The following EPC2 variants were observed in gnomAD, a reference collection of about 807,000 sequenced individuals.
EPC2 encodes enhancer of polycomb homolog 2.
Under a neutral mutation model 92.1 loss-of-function variants are expected in EPC2, and 14 were observed. That is an observed-to-expected ratio of 0.15 (90% CI 0.10 to 0.24). The LOEUF (loss-of-function observed/expected upper bound fraction) is 0.24, where lower values mean the gene tolerates loss of function less well. Among genes scored for constraint, EPC2 ranks in the 10% least tolerant of loss-of-function variants. The pLI is 1.00. For missense variants in EPC2, 755 were observed against 971.5 expected, an observed-to-expected ratio of 0.78 and a Z score of 2.96; for synonymous variants, 340 against 334.7, an observed-to-expected ratio of 1.02 and a Z score of -0.17.
At chr2:148,645,547 C>T (rs556133845) in intron 1 of EPC2, 52 of 196,044 alleles carry the variant, frequency 2.7e-4, no homozygotes, top group Non-Finnish European at 4.8e-4. Flanking sequence ...TATTATTTGG[C>T]TAGGCAAGAT....
At position 148,645,071 on chromosome 2, in the gene EPC2, T is replaced by A. The variant is rs199777940; in HGVS notation, c.54T>A (p.Pro18=). ...ARALDAAKPL[P]IYRGKDMPDL... is the part of the protein sequence containing the mutation. ...CGCTGGACGCCGCCAAGCCGCTGCC[T>A]ATCTACCGCGGCAAGGACATGCCTG... Residue 18 remains proline, a synonymous_variant, in exon 1 of 14, where the codon CCT becomes CCA. Coordinates refer to ENST00000258484, the MANE Select transcript of EPC2 (RefSeq NM_015630.4). 129 of 1,583,376 alleles carry A rather than the reference T, an allele frequency of 8.1e-5. No individual in the cohort carries two copies. In the African/African-American group the frequency reaches 1.6e-3, roughly 20 times the overall value.
chr2:148,710,575 A>G (rs1682116851), intron 2 of EPC2, among the ~76,000 whole-genome samples: 1 of 152,232 alleles, frequency 6.6e-6, no homozygotes, highest in South Asian at 2.1e-4. Flanking sequence ...CACTTTTCAC[A>G]GTAGCAGACT....
chr2:148,742,110 C>T (rs1682889643), intron 2 of EPC2, among the ~76,000 whole-genome samples: 1 of 152,148 alleles, frequency 6.6e-6, no homozygotes, highest in African/African-American at 2.4e-5. Context: ...TATGTGTAAA[C>T]TATCATTTAT....
At chr2:148,696,905 C>T (rs1284251492) in intron 2 of EPC2, among the ~76,000 whole-genome samples, 2 of 152,184 alleles carry the variant, frequency 1.3e-5, no homozygotes, top group African/African-American at 4.8e-5. Context: ...AATATTTTCT[C>T]ATATGTTTAT....
chr2:148,691,856 C>A, intron 2 of EPC2: 1 of 623,638 alleles, frequency 1.6e-6, no homozygotes, highest in Non-Finnish European at 3.1e-6. Context: ...ACACTGAGGG[C>A]ATAGCCCTTT....
intron 1 of EPC2, among the ~76,000 whole-genome samples, chr2:148,671,447 C>G (rs1681153341): frequency 6.6e-6 from 1 of 152,000 alleles, no homozygotes; most frequent in Non-Finnish European, 1.5e-5. Context: ...AACCCTGTCT[C>G]TACTAAAAAT....
chr2:148,704,515 G>C (rs1465671063), intron 2 of EPC2, among the ~76,000 whole-genome samples: 1 of 152,148 alleles, frequency 6.6e-6, no homozygotes, highest in Non-Finnish European at 1.5e-5. Context: ...GTACTTTTAT[G>C]CTATATGTAT....
At position 148,742,784 on chromosome 2, in the gene EPC2, C is replaced by CAA. The variant is rs5835210; in HGVS notation, c.314-823_314-822dup. 5.8e-3 allele frequency among the ~76,000 whole-genome samples: 781 copies of CAA among 134,902 alleles called. 5 individuals carry two copies. The highest frequency in any genetic ancestry group is 0.015 in the Middle Eastern group (4 of 270). The allele number at this position is 134,902 out of a possible 152,430, so 88.5% of individuals were successfully genotyped here. A position where few individuals can be genotyped will look rare whatever the true frequency, so the allele number is the denominator to read the frequency against. On this transcript the variant is annotated intron_variant, in intron 2 of 13. Coordinates refer to ENST00000258484, the MANE Select transcript of EPC2 (RefSeq NM_015630.4). ...CAACAGACAAAATGAGACCTTGCCT[C>CAA]AAAAAAAAAAAAAAAAGAAAAATCA... is the stretch of plus-strand genomic sequence containing the variant.
intron 2 of EPC2, among the ~76,000 whole-genome samples, chr2:148,742,044 A>G (rs941971853): frequency 3.9e-5 from 6 of 152,126 alleles, no homozygotes; most frequent in Middle Eastern, 3.2e-3. Context: ...GTTTCATTCT[A>G]TGTCAGTATA....
intron 1 of EPC2, among the ~76,000 whole-genome samples, chr2:148,658,018 A>G (rs1680842214): frequency 6.6e-6 from 1 of 152,096 alleles, no homozygotes; most frequent in Admixed American, 6.6e-5. Context: ...ATGAGCACGA[A>G]TTATTTAATA....
intron 7 of EPC2, among the ~76,000 whole-genome samples, chr2:148,766,961 A>G (rs572232735): frequency 5.9e-5 from 9 of 152,216 alleles, no homozygotes; most frequent in African/African-American, 2.2e-4. Context: ...AAGCAGGTGG[A>G]TTGCTTGAGC....
intron 2 of EPC2, among the ~76,000 whole-genome samples, chr2:148,732,399 G>A (rs1309809785): frequency 5.1e-5 from 3 of 59,066 alleles, no homozygotes; most frequent in Non-Finnish European, 9.6e-5. Flanking sequence ...TTTTTTTTTT[G>A]AGATGTAGTC....
intron 1 of EPC2, among the ~76,000 whole-genome samples, chr2:148,662,796 A>G (rs1261528835): frequency 1.4e-5 from 2 of 142,688 alleles, no homozygotes; most frequent in East Asian, 4.0e-4. Flanking sequence ...GTGCACATGT[A>G]CCCTAAAACT....
chr2:148,660,977 T>C (rs1002032811), intron 1 of EPC2, among the ~76,000 whole-genome samples: 1 of 152,134 alleles, frequency 6.6e-6, no homozygotes, highest in African/African-American at 2.4e-5. Flanking sequence ...TTTTATCATT[T>C]ATTTTTATAT....
intron 1 of EPC2, among the ~76,000 whole-genome samples, chr2:148,646,314 C>G (rs555524483): frequency 6.6e-6 from 1 of 152,264 alleles, no homozygotes; most frequent in South Asian, 2.1e-4. Flanking sequence ...TGAGTTCTGA[C>G]CTCATTATGT....
At chr2:148,783,459 A>T in intron 11 of EPC2, 138 bp from the exon 12 acceptor site, 1 of 700,250 alleles carries the variant, frequency 1.4e-6, no homozygotes. Context: ...CATCTATGGA[A>T]TCGTAGATCG....
chr2:148,661,199 G>T (rs1331709968), intron 1 of EPC2, among the ~76,000 whole-genome samples: 1 of 152,020 alleles, frequency 6.6e-6, no homozygotes, highest in Non-Finnish European at 1.5e-5. Flanking sequence ...TTTGGAATGT[G>T]GTTTGTCTCT....
chr2:148,721,269 C>T (rs1436308999), intron 2 of EPC2, among the ~76,000 whole-genome samples: 2 of 151,448 alleles, frequency 1.3e-5, no homozygotes, highest in African/African-American at 4.8e-5. Flanking sequence ...TTTTATTTCT[C>T]CTTCACTTTT....
intron 2 of EPC2, among the ~76,000 whole-genome samples, chr2:148,735,805 CAG>C (rs1201429971): frequency 6.6e-6 from 1 of 151,356 alleles, no homozygotes; most frequent in Non-Finnish European, 1.5e-5. Context: ...AATATTTAAT[CAG>C]TGTGCATATT....
Sources: allele counts gnomAD v4.1 joint callset (sites outside exome capture counted in the v4.1 genomes callset), GRCh38; gene constraint gnomAD v4.1.1; transcripts MANE v1.5; gene names NCBI Gene and HGNC (gene_info 2026-07-23, HGNC 2026-07-21).